TKTL1: variants seen among roughly 807,000 people sequenced by gnomAD.
TKTL1 encodes transketolase-like protein 1.
TKTL1 carries 1 observed loss-of-function variant against 39.3 expected under a neutral mutation model. The observed-to-expected ratio is 0.03, with a 90% CI of 0.01 to 0.12. The LOEUF (loss-of-function observed/expected upper bound fraction) is 0.12, where lower values mean the gene tolerates loss of function less well. TKTL1 is among the 10% of genes least tolerant of loss of function. TKTL1 has a pLI of 1.00. For missense variants in TKTL1, 575 were observed against 509.6 expected, an observed-to-expected ratio of 1.13 and a Z score of -1.24; for synonymous variants, 262 against 193.8, an observed-to-expected ratio of 1.35 and a Z score of -2.92.
chrX:154,307,020 G>A (rs191224871), intron 2 of TKTL1, among the ~76,000 whole-genome samples: 80 of 106,276 alleles, frequency 7.5e-4, no homozygotes, highest in African/African-American at 2.8e-3. Context: ...GAAAGGCTGG[G>A]TACAGTGGCT....
chrX:154,312,525 A>G, intron 5 of TKTL1, 55 bp from the exon 6 acceptor site: 1 of 1,135,707 alleles, frequency 8.8e-7, no homozygotes, highest in East Asian at 3.0e-5. Context: ...AGGTGACCTC[A>G]TAGGCACTCA....
chrX:154,318,424 G>T (rs2067419860), intron 7 of TKTL1, among the ~76,000 whole-genome samples: 1 of 109,407 alleles, frequency 9.1e-6, no homozygotes, highest in Admixed American at 9.8e-5. Flanking sequence ...ACCAGGCCGG[G>T]TGCGGTGGCT....
intron 1 of TKTL1, among the ~76,000 whole-genome samples, chrX:154,300,854 G>A (rs1254778236): frequency 9.1e-6 from 1 of 109,997 alleles, no homozygotes; most frequent in Non-Finnish European, 1.9e-5. Flanking sequence ...CACCGCACCC[G>A]GCAAATTTTT....
intron 10 of TKTL1, 53 bp downstream of exon 10, chrX:154,325,475 C>A (rs2067487002): frequency 9.7e-7 from 1 of 1,033,607 alleles, no homozygotes; most frequent in Non-Finnish European, 1.4e-6. Context: ...GTAAAAAGAA[C>A]ACTTCTGAAT....
At position 154,305,428 on chromosome X, in the gene TKTL1, C is replaced by T. The variant is rs782103879; in HGVS notation, c.252+7C>T. 4.2e-6 allele frequency: 5 copies of T among 1,204,630 alleles called. No homozygotes were observed. In the South Asian group the frequency reaches 5.3e-5, roughly 13 times the overall value. ...CCGATTTGTCCTCGCAAAGGTATGC[C>T]GGTGGGGAGCCCAGGGCTGCTGTGG... On this transcript the variant is annotated splice_region_variant and intron_variant, in intron 2 of 12. Coordinates refer to ENST00000369915, the MANE Select transcript of TKTL1 (RefSeq NM_012253.4).
chrX:154,305,648 C>T (rs1314185429), intron 2 of TKTL1, among the ~76,000 whole-genome samples: 3 of 111,088 alleles, frequency 2.7e-5, no homozygotes, highest in African/African-American at 9.8e-5. Context: ...TTCCTTTGGT[C>T]ACACCCTGCC....
At chrX:154,327,240 C>T in intron 10 of TKTL1, 2 of 374,122 alleles carry the variant, frequency 5.3e-6, no homozygotes, top group Non-Finnish European at 1.0e-5. Flanking sequence ...TGAGGGTTCT[C>T]AGAGTTCAGG....
At chrX:154,302,789 T>A (rs188661622) in intron 1 of TKTL1, among the ~76,000 whole-genome samples, 1 of 111,278 alleles carries the variant, frequency 9.0e-6, no homozygotes, top group Admixed American at 9.5e-5. Context: ...AGTGTCCTTA[T>A]AAGAGAAAGA....
chrX:154,298,073 TAAG>T (rs1355507070), intron 1 of TKTL1, among the ~76,000 whole-genome samples: 1 of 111,989 alleles, frequency 8.9e-6, no homozygotes, highest in Non-Finnish European at 1.9e-5. Context: ...TTGTCCTGAT[TAAG>T]TTTTGTGAGG....
intron 7 of TKTL1, among the ~76,000 whole-genome samples, chrX:154,319,551 CAATATGGTGA>C (rs782674672): frequency 5.0e-4 from 56 of 111,504 alleles, no homozygotes; most frequent in Non-Finnish European, 8.1e-4. Flanking sequence ...CCAGCCTGAC[CAATATGGTGA>C]AACCTCGTCC....
At chrX:154,307,246 A>G (rs1391781059) in intron 2 of TKTL1, among the ~76,000 whole-genome samples, 1 of 111,664 alleles carries the variant, frequency 9.0e-6, no homozygotes, top group Non-Finnish European at 1.9e-5. Flanking sequence ...AGACTGTCAT[A>G]TAACAGCTGC....
chrX:154,323,197 G>A lies in TKTL1; in HGVS notation c.1187-10G>A, dbSNP rs147031881. On this transcript the variant is annotated splice_polypyrimidine_tract_variant and intron_variant, in intron 8 of 12. Coordinates refer to ENST00000369915, the MANE Select transcript of TKTL1 (RefSeq NM_012253.4). ...ATGCTCCTGTTTTCATCGGGCTCTG[G>A]TTCTCTCAGGTGACGATGGTGCTTC... 6,960 of 1,207,181 alleles carry A rather than the reference G, an allele frequency of 5.8e-3. 25 individuals are homozygous for A. Among genetic ancestry groups the A allele is most frequent in the South Asian group, 0.019 (1,060 of 56,059 alleles).
chrX:154,317,208 A>T (rs2067407951), intron 7 of TKTL1, among the ~76,000 whole-genome samples: 2 of 112,213 alleles, frequency 1.8e-5, no homozygotes, highest in Non-Finnish European at 3.8e-5. Context: ...CCCTGCTGAT[A>T]TGTTCTCACA....
At chrX:154,304,588 C>G (rs782629541) in intron 1 of TKTL1, among the ~76,000 whole-genome samples, 8 of 108,993 alleles carry the variant, frequency 7.3e-5, no homozygotes, top group Non-Finnish European at 1.5e-4. Flanking sequence ...AGAGTGAGGG[C>G]CCATCCCTTC....
At chrX:154,318,788 T>C (rs1258133382) in intron 7 of TKTL1, among the ~76,000 whole-genome samples, 2 of 109,054 alleles carry the variant, frequency 1.8e-5, no homozygotes, top group Non-Finnish European at 3.8e-5. Flanking sequence ...AAAAAAAAAT[T>C]CATGCCAAGC....
chrX:154,297,726 C>T (rs1300588320), intron 1 of TKTL1, among the ~76,000 whole-genome samples: 2 of 110,301 alleles, frequency 1.8e-5, no homozygotes, highest in East Asian at 2.9e-4. Context: ...ATCGTGTGAG[C>T]CTAGAAAGTT....
chrX:154,314,871 ACT>A (rs1167074091), intron 6 of TKTL1, among the ~76,000 whole-genome samples: 1 of 108,069 alleles, frequency 9.3e-6, no homozygotes, highest in Admixed American at 1.0e-4. Context: ...CGGAAATCTC[ACT>A]CTTGAGCTGT....
chrX:154,296,839 C>T (rs782625591), intron 1 of TKTL1, among the ~76,000 whole-genome samples: 11 of 111,438 alleles, frequency 9.9e-5, no homozygotes, highest in Non-Finnish European at 1.5e-4. Context: ...GGCAAGATGG[C>T]GAACCTCTGT....
At chrX:154,298,887 C>T (rs1441551367) in intron 1 of TKTL1, among the ~76,000 whole-genome samples, 1 of 109,602 alleles carries the variant, frequency 9.1e-6, no homozygotes, top group Non-Finnish European at 1.9e-5. Flanking sequence ...CTGTGTCGCC[C>T]AGGCTAGAGA....
Sources: gnomAD v4.1 joint callset for allele counts (sites outside exome capture counted in the v4.1 genomes callset) on GRCh38, gnomAD v4.1.1 for gene constraint, MANE v1.5 for transcripts, NCBI Gene and HGNC (gene_info 2026-07-23, HGNC 2026-07-21) for gene names.